IFI44L: variants seen among roughly 807,000 people sequenced by gnomAD.
The protein encoded by IFI44L is interferon-induced protein 44-like.
IFI44L carries 40 observed loss-of-function variants against 39.3 expected under a neutral mutation model. That is an observed-to-expected ratio of 1.02 (90% CI 0.79 to 1.33). IFI44L has a LOEUF of 1.33. Ranked by LOEUF, IFI44L falls within the 40% of genes most tolerant of loss-of-function variation. IFI44L has a pLI of 0.00. For missense variants in IFI44L, 623 were observed against 549.0 expected, an observed-to-expected ratio of 1.13 and a Z score of -1.35; for synonymous variants, 198 against 182.3, an observed-to-expected ratio of 1.09 and a Z score of -0.69.
Position 78,628,354 on chromosome 1 carries a change from C to A in IFI44L, c.439C>A (p.His147Asn). The A allele has an allele frequency of 6.3e-7, 1 of 1,588,754 alleles. No individual in the cohort carries two copies. The highest frequency in any genetic ancestry group is 1.2e-5 in the South Asian group (1 of 85,952). Residue 147 changes from histidine to asparagine, a missense_variant, in exon 2 of 9, where the codon CAC (histidine) becomes AAC (asparagine). Transcript: ENST00000370751. ...AAACTTGAAACTAAGGTTTTATGGC[C>A]ACCGTCAGTATTTGGAATGTGAAGT... ...TRNLKLRFYG[H>N]RQYLECEVFR...
Position 78,629,705 on chromosome 1 carries a change from A to G in IFI44L, c.528-15A>G, listed in dbSNP as rs769708774. On this transcript the variant is annotated splice_polypyrimidine_tract_variant and intron_variant, in intron 3 of 8. Coordinates refer to ENST00000370751, the MANE Select transcript of IFI44L (RefSeq NM_006820.4). Reference sequence around the variant, plus strand: ...GGCTGTTCTGATGCTGTATTTAACCACTATATTTTAACAGGCACAGAAATA... The same window carrying G: ...GGCTGTTCTGATGCTGTATTTAACCGCTATATTTTAACAGGCACAGAAATA... The G allele has an allele frequency of 1.5e-5, 24 of 1,593,916 alleles. No individual in the cohort carries two copies. Among genetic ancestry groups the G allele is most frequent in the Non-Finnish European group, 2.1e-5 (24 of 1,166,998 alleles).
chr1:78,623,779 G>T (rs1012059695), intron 1 of IFI44L, among the ~76,000 whole-genome samples: 3 of 152,132 alleles, frequency 2.0e-5, no homozygotes, highest in African/African-American at 7.2e-5. Flanking sequence ...GAATCCGAAT[G>T]TTTGAGAACC....
chr1:78,623,112 T>G (rs1453670281), intron 1 of IFI44L, among the ~76,000 whole-genome samples: 2 of 152,246 alleles, frequency 1.3e-5, no homozygotes, highest in African/African-American at 4.8e-5. Flanking sequence ...TTTCCACATA[T>G]AAGATAATAT....
chr1:78,637,267 C>A, intron 6 of IFI44L, 64 bp downstream of exon 6: 1 of 1,244,534 alleles, frequency 8.0e-7, no homozygotes, highest in Non-Finnish European at 1.1e-6. Context: ...TAGGAAGTTG[C>A]AAAGAGAGTA....
At chr1:78,632,248 A>C (rs1284489762) in intron 4 of IFI44L, among the ~76,000 whole-genome samples, 2 of 152,224 alleles carry the variant, frequency 1.3e-5, no homozygotes, top group Non-Finnish European at 2.9e-5. Context: ...GAACAAAAAC[A>C]AAAACTGACA....
In IFI44L at chr1:78,628,077, T is replaced by C; in HGVS notation, c.162T>C (p.Ala54=). ...CSRQGCTITM[A]YIDYNMIVAF... ...GTCAGGGATGTACTATAACAATGGCTTACATTGATTACAATATGATTGTAG... is the reference window on the plus strand; with the variant it reads ...GTCAGGGATGTACTATAACAATGGCCTACATTGATTACAATATGATTGTAG... Residue 54 remains alanine (A), a synonymous_variant, in exon 2 of 9, where the codon GCT becomes GCC. Transcript: ENST00000370751. 1 of 1,613,188 alleles carries C rather than the reference T, an allele frequency of 6.2e-7. No individual in the cohort carries two copies. Among genetic ancestry groups the C allele is most frequent in the East Asian group, 2.2e-5 (1 of 44,762 alleles).
rs774525290 is a variant in IFI44L, at chr1:78,641,775, GT to G, written c.1326del (p.Ala443GlnfsTer35). Reference protein sequence around the residue: ...FLEDLPLEETGAIERALQPCI With the variant: ...FLEDLPLEETXAIERALQPCI ...CCACTCTTGTTTGTTTCATTTTCAG[GT>G]GCAATTGAGAGAGCGTTACAGCCCT... On this transcript the variant is annotated frameshift_variant and splice_region_variant, in exon 9 of 9. Transcript: ENST00000370751. LOFTEE classifies it low-confidence loss of function (END_TRUNC). 4 of 1,613,656 alleles carry G rather than the reference GT, an allele frequency of 2.5e-6. No individual in the cohort carries two copies. In the South Asian group the frequency reaches 3.3e-5, roughly 13 times the overall value.
At chr1:78,626,687 A>T (rs762139023) in intron 1 of IFI44L, 7 of 151,978 alleles carry the variant, frequency 4.6e-5, no homozygotes, top group Non-Finnish European at 7.4e-5. Flanking sequence ...AATTTTTTTT[A>T]AAATTTTATT....
chr1:78,645,945 G>A lies in IFI44L; in HGVS notation c.*4136G>A, dbSNP rs1469306071. 6.6e-6 allele frequency: 1 copy of A among 152,108 alleles called. No individual in the cohort carries two copies. Among genetic ancestry groups the A allele is most frequent in the Non-Finnish European group, 1.5e-5 (1 of 68,030 alleles). The allele number at this position is 152,108 out of a possible 1,614,324, so 9.4% of individuals were successfully genotyped here. ...AACAAATAGACTCAGACTGTTTCAG[G>A]CTCCAGGACAGGAAGTGCAGTGTAG... On this transcript the variant is annotated 3_prime_UTR_variant, in exon 9 of 9. Transcript: ENST00000370751.
intron 1 of IFI44L, chr1:78,626,533 A>G (rs918855204): frequency 6.6e-6 from 1 of 152,076 alleles, no homozygotes; most frequent in Non-Finnish European, 1.5e-5. Context: ...TCATCCAGAC[A>G]AGATTTATTT....
chr1:78,635,604 A>T (rs959377633), intron 5 of IFI44L, 115 bp downstream of exon 5: 2 of 830,256 alleles, frequency 2.4e-6, no homozygotes, highest in African/African-American at 1.7e-5. Flanking sequence ...AACATCAATC[A>T]ACACTATTCT....
rs1430087968 is a variant in IFI44L at position 78,628,356 on chromosome 1, C to A, written c.441C>A (p.His147Gln). Residue 147 changes from histidine to glutamine, a missense_variant, in exon 2 of 9, where the codon CAC (histidine) becomes CAA (glutamine). His to Gln is a conservative substitution (Grantham distance 24). Transcript: ENST00000370751. The part of the protein sequence containing the change: ...TRNLKLRFYG[H>Q]RQYLECEVFR... ...ACTTGAAACTAAGGTTTTATGGCCACCGTCAGTATTTGGAATGTGAAGTTT... is the reference window on the plus strand; with the variant it reads ...ACTTGAAACTAAGGTTTTATGGCCAACGTCAGTATTTGGAATGTGAAGTTT... 4 of 1,586,376 alleles carry A rather than the reference C, an allele frequency of 2.5e-6. No homozygotes were observed. The highest frequency in any genetic ancestry group is 3.4e-6 in the Non-Finnish European group (4 of 1,168,280).
At chr1:78,637,873 C>G (rs974227303) in intron 6 of IFI44L, among the ~76,000 whole-genome samples, 1 of 151,990 alleles carries the variant, frequency 6.6e-6, no homozygotes, top group Non-Finnish European at 1.5e-5. Context: ...AAAAAATATT[C>G]CAGTTTTTAG....
chr1:78,635,105 T>C (rs879595234), intron 4 of IFI44L, among the ~76,000 whole-genome samples: 13 of 151,328 alleles, frequency 8.6e-5, no homozygotes, highest in Admixed American at 7.2e-4. Flanking sequence ...AAGGAATATT[T>C]ACATTTTTTT....
intron 2 of IFI44L, chr1:78,628,673 C>A: frequency 2.0e-6 from 1 of 508,410 alleles, no homozygotes; most frequent in Non-Finnish European, 3.5e-6. Flanking sequence ...ATCTTATCAT[C>A]AGAGCTGCTC....
rs774603367 is a variant in IFI44L, at chr1:78,628,306, T to A, written c.391T>A (p.Tyr131Asn). 2.5e-6 allele frequency: 4 copies of A among 1,605,332 alleles called. No individual in the cohort carries two copies. The highest frequency in any genetic ancestry group is 2.6e-6 in the Non-Finnish European group (3 of 1,174,236). The part of the protein sequence containing the change: ...IFIICRDNKI[Y>N]LDKMITRNLK... ...CATTATATGTCGAGATAATAAAATT[T>A]ATCTAGATAAAATGATAACAAGAAA... The change falls in exon 2 of 9, where the codon TAT becomes AAT. Residue 131 changes from tyrosine (Y) to asparagine (N), a missense_variant. Physicochemically the swap from Tyr to Asn is moderately radical, Grantham distance 143. Coordinates refer to ENST00000370751, the MANE Select transcript of IFI44L (RefSeq NM_006820.4).
chr1:78,636,990 G>A (rs775905303), intron 5 of IFI44L, 42 bp from the exon 6 acceptor site: 177 of 1,467,166 alleles, frequency 1.2e-4, no homozygotes, highest in Non-Finnish European at 1.7e-4. Flanking sequence ...GTTAAACAGA[G>A]GCTCTCTGAT....
rs373251848 is a variant in IFI44L, at chr1:78,641,565, G to C, written c.1280G>C (p.Arg427Pro). The change falls in exon 8 of 9, where the codon CGG becomes CCG. Residue 427 changes from arginine to proline, a missense_variant. Transcript: ENST00000370751. ...CTCTCTGCACTGAGGCAGATGCTGCGGGCTGCAGATGATTTTTTAGAAGAT... is the reference window on the plus strand; with the variant it reads ...CTCTCTGCACTGAGGCAGATGCTGCCGGCTGCAGATGATTTTTTAGAAGAT... ...LILSALRQML[R>P]AADDFLEDLP... 1.2e-6 allele frequency: 2 copies of C among 1,613,478 alleles called. No homozygotes were observed. The highest frequency in any genetic ancestry group is 2.7e-5 in the African/African-American group (2 of 74,822).
chr1:78,621,012 G>A (rs1652254834), intron 1 of IFI44L: 1 of 152,132 alleles, frequency 6.6e-6, no homozygotes, highest in African/African-American at 2.4e-5. Flanking sequence ...AGCTGTGTGT[G>A]AAGAAAAAAG....
Sources: gnomAD v4.1 joint callset for allele counts (sites outside exome capture counted in the v4.1 genomes callset) on GRCh38, gnomAD v4.1.1 for gene constraint, MANE v1.5 for transcripts, NCBI Gene and HGNC (gene_info 2026-07-23, HGNC 2026-07-21) for gene names.